The following ARVCF variants were observed in gnomAD, a reference collection of about 807,000 sequenced individuals.
ARVCF encodes ARVCF delta catenin family member, also known as splicing regulator ARVCF.
A neutral mutation model predicts 90.9 loss-of-function variants in ARVCF; 66 were observed. The ratio of observed to expected loss-of-function variants is 0.73; its 90% CI spans 0.60 to 0.89. The LOEUF is 0.89. Ranked by LOEUF, ARVCF falls within the 40% of genes least tolerant of loss-of-function variation. The pLI is 0.00. For missense variants in ARVCF, 1,469 were observed against 1,382.3 expected (o/e 1.06, Z -1.00); for synonymous variants, 653 against 603.4 (o/e 1.08, Z -1.21).
chr22:19,975,986 G>A (rs1028105204), intron 10 of ARVCF, among the ~76,000 whole-genome samples: 1 of 152,040 alleles, frequency 6.6e-6, no homozygotes, highest in East Asian at 1.9e-4. Context: ...CTGCCCCTAG[G>A]ACTCATCTCC....
Position 19,981,717 on chromosome 22 carries a change from C to G in ARVCF, c.390G>C (p.Thr130=). The change falls in exon 5 of 20, where the codon ACG becomes ACC. Residue 130 remains threonine (T), a synonymous_variant. Transcript: ENST00000263207. ...CCTGGCGTACTGTCCGAGTGGTCACCGTCTTGACAGTCTTGGTGACCTGGT... is the reference window on the plus strand; with the variant it reads ...CCTGGCGTACTGTCCGAGTGGTCACGGTCTTGACAGTCTTGGTGACCTGGT... ...TETKVTKTVK[T]VTTRTVRQVP... 1 of 1,574,126 alleles carries G rather than the reference C, an allele frequency of 6.4e-7. No individual in the cohort carries two copies. The highest frequency in any genetic ancestry group is 8.6e-7 in the Non-Finnish European group (1 of 1,158,204).
Position 20,000,538 on chromosome 22 carries a change from C to T in ARVCF, c.-18-9726G>A, listed in dbSNP as rs576510336. Among the ~76,000 whole-genome samples the T allele has an allele frequency of 1.6e-3, 237 of 152,340 alleles. 2 individuals carry two copies. The highest frequency in any genetic ancestry group is 5.3e-3 in the African/African-American group (220 of 41,582). On this transcript the variant is annotated intron_variant, in intron 2 of 19. Transcript: ENST00000263207. ...ATACCAGGAGAGCCTCGGGACTTGA[C>T]TGTGTGTCCAGTCCCCACTACAAAG... is the stretch of plus-strand genomic sequence containing the variant.
At chr22:19,979,105 G>A (rs964630562) in intron 6 of ARVCF, 25 bp from the exon 7 acceptor site, 3 of 1,600,096 alleles carry the variant, frequency 1.9e-6, no homozygotes, top group African/African-American at 1.3e-5. Context: ...TGGCCAATCT[G>A]TGCTGACCAT....
chr22:19,978,576 G>T lies in ARVCF; in HGVS notation c.1580+321C>A, dbSNP rs1056676172. 8.5e-5 allele frequency among the ~76,000 whole-genome samples: 13 copies of T among 152,206 alleles called. No individual in the cohort carries two copies. The South Asian group carries it at 2.7e-3, about 32-fold the overall frequency. On this transcript the variant is annotated intron_variant, in intron 7 of 19. Transcript: ENST00000263207. ...GAAGGGCAGAGGTCACAGGTGGCTG[G>T]GATGAGCCTCCCAGGCAGATGAACA...
At chr22:19,972,464 G>A in intron 16 of ARVCF, 53 bp from the exon 17 acceptor site, 3 of 1,608,096 alleles carry the variant, frequency 1.9e-6, no homozygotes, top group Non-Finnish European at 2.6e-6. Context: ...GGGGGATCGG[G>A]GCAGAGAAGC....
intron 3 of ARVCF, among the ~76,000 whole-genome samples, chr22:19,983,109 A>T (rs1047902021): frequency 6.6e-6 from 1 of 152,220 alleles, no homozygotes; most frequent in African/African-American, 2.4e-5. Flanking sequence ...GCCTGGCCCC[A>T]GGGCCACATG....
chr22:19,988,409 C>T (rs559794434), intron 3 of ARVCF, among the ~76,000 whole-genome samples: 1 of 152,384 alleles, frequency 6.6e-6, no homozygotes, highest in East Asian at 1.9e-4. Context: ...TTCTCAACTG[C>T]ACCAGCAGCT....
intron 2 of ARVCF, 87 bp from the exon 3 acceptor site, chr22:19,990,899 A>G: frequency 7.6e-7 from 1 of 1,324,492 alleles, no homozygotes; most frequent in Non-Finnish European, 1.0e-6. Flanking sequence ...CTCACAGACC[A>G]TACAACTCAC....
At chr22:19,980,876 G>C (rs1158078518) in intron 5 of ARVCF, 2 of 307,018 alleles carry the variant, frequency 6.5e-6, no homozygotes, top group Non-Finnish European at 1.2e-5. Flanking sequence ...CCACTCCAGA[G>C]ATGCAGAAAC....
intron 3 of ARVCF, chr22:19,987,292 T>C (rs912677534): frequency 8.8e-5 from 2 of 22,766 alleles, no homozygotes; most frequent in Non-Finnish European, 1.9e-4. Flanking sequence ...GGGGTGGGCG[T>C]GGCGGGCGGG....
rs182309451 is a variant in ARVCF, at chr22:20,000,385, C to T, written c.-18-9573G>A. ...CCATGGCAACAGGCCTAGACACCAA[C>T]CTCCAGCAAGTGCACAAAGTCCTGC... On this transcript the variant is annotated intron_variant, in intron 2 of 19. Coordinates refer to ENST00000263207, the MANE Select transcript of ARVCF (RefSeq NM_001670.3). 2.8e-3 allele frequency among the ~76,000 whole-genome samples: 421 copies of T among 152,362 alleles called. 3 individuals are homozygous for T. Among genetic ancestry groups the T allele is most frequent in the Non-Finnish European group, 2.6e-3 (175 of 68,024 alleles).
intron 2 of ARVCF, among the ~76,000 whole-genome samples, chr22:20,008,638 G>A (rs781414371): frequency 2.2e-4 from 33 of 152,176 alleles, no homozygotes; most frequent in Non-Finnish European, 4.6e-4. Flanking sequence ...GCTGAGCCCT[G>A]AGGCTCCCTC....
chr22:19,971,227 G>A lies in ARVCF; in HGVS notation c.*1C>T, dbSNP rs571913818. 1.9e-6 allele frequency: 3 copies of A among 1,553,284 alleles called. No individual in the cohort carries two copies. Among genetic ancestry groups the A allele is most frequent in the African/African-American group, 2.7e-5 (2 of 73,234 alleles). ...ATGAGAGAACGTACCAGGCATGCAA[G>A]CTAGACCCAGGAATCAACGGGCTGA... On this transcript the variant is annotated 3_prime_UTR_variant, in exon 19 of 20. Transcript: ENST00000263207.
intron 2 of ARVCF, among the ~76,000 whole-genome samples, chr22:20,004,530 G>A (rs1467092186): frequency 1.3e-5 from 2 of 151,868 alleles, no homozygotes; most frequent in African/African-American, 4.8e-5. Context: ...GACATTGTTT[G>A]CAGAAACAGA....
intron 9 of ARVCF, 124 bp from the exon 10 acceptor site, chr22:19,976,847 T>G (rs985386953): frequency 2.4e-5 from 28 of 1,142,904 alleles, no homozygotes; most frequent in South Asian, 2.3e-4. Flanking sequence ...GCAGGCAGCA[T>G]GTGGAACCTC....
chr22:20,000,050 C>A (rs1282984309), intron 2 of ARVCF, among the ~76,000 whole-genome samples: 1 of 152,208 alleles, frequency 6.6e-6, no homozygotes, highest in African/African-American at 2.4e-5. Flanking sequence ...AACAGCCTGT[C>A]CCCTGAAAGT....
downstream of ARVCF, chr22:19,967,278 C>T (rs773511220): frequency 1.7e-6 from 2 of 1,185,646 alleles, no homozygotes; most frequent in Non-Finnish European, 2.3e-6. Flanking sequence ...AGGCCCCTCA[C>T]TCATGCATTC....
intron 3 of ARVCF, among the ~76,000 whole-genome samples, chr22:19,989,327 TG>T (rs773437737): frequency 4.6e-5 from 7 of 152,142 alleles, no homozygotes; most frequent in Non-Finnish European, 8.8e-5. Context: ...GCACTGGTGC[TG>T]GGCTGGGCCT....
intron 3 of ARVCF, among the ~76,000 whole-genome samples, chr22:19,984,609 T>A (rs1481080432): frequency 6.6e-6 from 1 of 152,138 alleles, no homozygotes; most frequent in African/African-American, 2.4e-5. Flanking sequence ...CAGGGACACA[T>A]GCATGTACAT....
Sources: allele counts gnomAD v4.1 joint callset (sites outside exome capture counted in the v4.1 genomes callset), GRCh38; gene constraint gnomAD v4.1.1; transcripts MANE v1.5; gene names NCBI Gene and HGNC (gene_info 2026-07-23, HGNC 2026-07-21).